The following SYT7 variants were observed in gnomAD, a reference collection of about 807,000 sequenced individuals.
SYT7 encodes the protein synaptotagmin 7.
A neutral mutation model predicts 75.1 loss-of-function variants in SYT7; 29 were observed. The observed-to-expected ratio is 0.39, with a 90% CI of 0.29 to 0.53. SYT7 has a LOEUF of 0.53. Ranked by LOEUF, SYT7 falls within the 20% of genes least tolerant of loss-of-function variation. The probability of loss-of-function intolerance (pLI) is 0.77; values close to 1 mark genes in which losing one functional copy is unlikely to be tolerated. For missense variants in SYT7, 693 were observed against 953.2 expected, an observed-to-expected ratio of 0.73 and a Z score of 3.59; for synonymous variants, 376 against 401.7, an observed-to-expected ratio of 0.94 and a Z score of 0.76.
chr11:61,562,907 G>C (rs1447640551), intron 1 of SYT7, among the ~76,000 whole-genome samples: 1 of 152,184 alleles, frequency 6.6e-6, no homozygotes, highest in Non-Finnish European at 1.5e-5. Flanking sequence ...AGGGCTGCTG[G>C]CTGCTGGGAT....
Position 61,514,541 on chromosome 11 carries a change from T to C in SYT7, c.*4086A>G, listed in dbSNP as rs541939397. Among the ~76,000 whole-genome samples the C allele has an allele frequency of 5.3e-5, 8 of 152,268 alleles. No homozygotes were observed. In the East Asian group the frequency reaches 1.5e-3, roughly 29 times the overall value. ...TTTGTGCCTGTGTCTGAACCAGATG[T>C]AGCACCTTCCTTCTGAAGTACCCTG... On this transcript the variant is annotated 3_prime_UTR_variant, in exon 13 of 13. Coordinates refer to ENST00000539008, the MANE Select transcript of SYT7 (RefSeq NM_001365809.2).
intron 1 of SYT7, among the ~76,000 whole-genome samples, chr11:61,570,922 C>T (rs2063903475): frequency 7.3e-6 from 1 of 137,012 alleles, no homozygotes; most frequent in African/African-American, 3.2e-5. Flanking sequence ...ATAGTGATAA[C>T]TGTGACAGGC....
chr11:61,580,908 G>A lies in SYT7; in HGVS notation c.-88C>T, dbSNP rs2064245900. The A allele has an allele frequency of 6.5e-6, 7 of 1,082,712 alleles. No individual in the cohort carries two copies. The highest frequency in any genetic ancestry group is 1.7e-5 in the African/African-American group (1 of 59,064). The allele number at this position is 1,082,712 out of a possible 1,614,324, so 67.1% of individuals were successfully genotyped here. On this transcript the variant is annotated 5_prime_UTR_variant, in exon 1 of 13. Transcript: ENST00000539008. This position sits in a 1 kb window ranked among gnomAD's most constrained non-coding sequence, Gnocchi z 6.1. Reference sequence around the variant, plus strand: ...GCCGCCGCCGCTGGGCATGGGGCCGGGCGACCCCCGGGGGCGGGTCCGAGG... The same window carrying A: ...GCCGCCGCCGCTGGGCATGGGGCCGAGCGACCCCCGGGGGCGGGTCCGAGG...
rs1030126471 is a variant in SYT7 at position 61,516,699 on chromosome 11, GC to G, written c.*1927del. 1.3e-5 allele frequency: 2 copies of G among 152,222 alleles called. No homozygotes were observed. Among genetic ancestry groups the G allele is most frequent in the Non-Finnish European group, 2.9e-5 (2 of 68,034 alleles). 9.4% of individuals were successfully genotyped at this position (152,222 alleles called of 1,614,324 possible). The stretch of plus-strand genomic sequence containing the variant: ...CGCCAAAGAGGAGGATGCAGTTGGG[GC>G]CGACCCCATTTTAAGCAAAGCTACA... On this transcript the variant is annotated 3_prime_UTR_variant, in exon 13 of 13. Transcript: ENST00000539008. This position sits in a 1 kb window ranked among gnomAD's most constrained non-coding sequence, Gnocchi z 4.6.
chr11:61,547,097 G>A, intron 4 of SYT7, 80 bp downstream of exon 4: 1 of 1,478,376 alleles, frequency 6.8e-7, no homozygotes, highest in Non-Finnish European at 9.0e-7. Flanking sequence ...CGGGTCCAGA[G>A]GTGGGTGGGG....
chr11:61,523,908 A>G lies in SYT7; in HGVS notation c.1675T>C (p.Tyr559His). ...ATGATGGAGTTGGCAGAGGGGTTGT[A>G]GCAGAGAGACAAGAGCAGCTCCCCT... The part of the protein sequence containing the change: ...SRGELLLSLC[Y>H]NPSANSIIVN... The change falls in exon 11 of 13, where the codon TAC (tyrosine) becomes CAC (histidine). Residue 559 changes from tyrosine to histidine, a missense_variant. This residue lies in a region of SYT7 where 206 missense variants were observed against 360.0 expected (regional missense o/e 0.57). Coordinates refer to ENST00000539008, the MANE Select transcript of SYT7 (RefSeq NM_001365809.2). This position sits in a 1 kb window ranked among gnomAD's most constrained non-coding sequence, Gnocchi z 5.0. 6.2e-7 allele frequency: 1 copy of G among 1,614,014 alleles called. No individual in the cohort carries two copies. The highest frequency in any genetic ancestry group is 8.5e-7 in the Non-Finnish European group (1 of 1,179,944).
intron 1 of SYT7, among the ~76,000 whole-genome samples, chr11:61,566,456 T>C (rs909397477): frequency 3.9e-5 from 6 of 152,084 alleles, no homozygotes; most frequent in Non-Finnish European, 8.8e-5. Flanking sequence ...CCATTCAGGA[T>C]GGAAAGGGCC....
intron 8 of SYT7, among the ~76,000 whole-genome samples, chr11:61,530,150 C>T (rs182363481): frequency 2.9e-4 from 44 of 152,312 alleles, no homozygotes; most frequent in African/African-American, 6.3e-4. Context: ...AAGTCACCTG[C>T]GATTGAATGG....
chr11:61,522,195 T>G (rs1266754839), intron 12 of SYT7, among the ~76,000 whole-genome samples: 1 of 150,916 alleles, frequency 6.6e-6, no homozygotes, highest in East Asian at 1.9e-4. Flanking sequence ...CACTTTTTTT[T>G]TTTTTTTTTT....
At chr11:61,587,103 G>A in the SYT7 span, among the ~76,000 whole-genome samples, 1 of 152,116 alleles carries the variant, frequency 6.6e-6, no homozygotes, top group East Asian at 1.9e-4. Flanking sequence ...TCTGTGGTTT[G>A]TTCAAAGCCC....
intron 12 of SYT7, among the ~76,000 whole-genome samples, chr11:61,521,385 T>C (rs1360382082): frequency 1.3e-5 from 2 of 152,106 alleles, no homozygotes; most frequent in Admixed American, 6.5e-5. Flanking sequence ...CAAAAGAACA[T>C]CAAAGGAGAT....
intron 12 of SYT7, among the ~76,000 whole-genome samples, chr11:61,519,242 C>T (rs2062234536): frequency 6.6e-6 from 1 of 152,216 alleles, no homozygotes. Context: ...GACTTACCCA[C>T]AGTCACAGGG....
intron 7 of SYT7, among the ~76,000 whole-genome samples, chr11:61,535,074 G>T (rs971662206): frequency 6.6e-6 from 1 of 152,234 alleles, no homozygotes; most frequent in Non-Finnish European, 1.5e-5. Context: ...CACTGAAGCT[G>T]TCGGAGGTCA....
intron 1 of SYT7, among the ~76,000 whole-genome samples, chr11:61,571,788 C>A (rs1422472808): frequency 6.6e-6 from 1 of 152,154 alleles, no homozygotes; most frequent in South Asian, 2.1e-4. Context: ...TGAGACTAAG[C>A]CCTCCCTTAG....
chr11:61,533,054 G>T lies in SYT7; in HGVS notation c.1135C>A (p.Arg379Ser). ...PGQTPHDESD[R>S]RTEPRSSVSD... is the part of the protein sequence containing the mutation. ...ACGGAGGAACGTGGCTCGGTCCGGC[G>T]GTCGGACTCATCGTGGGGTGTCTGG... is the stretch of plus-strand genomic sequence containing the variant. The change falls in exon 8 of 13, where the codon CGC becomes AGC. Residue 379 changes from arginine to serine, a missense_variant. Transcript: ENST00000539008. 6.2e-7 allele frequency: 1 copy of T among 1,613,374 alleles called. No homozygotes were observed. Among genetic ancestry groups the T allele is most frequent in the Non-Finnish European group, 8.5e-7 (1 of 1,179,980 alleles).
At chr11:61,566,746 T>C (rs1380619926) in intron 1 of SYT7, among the ~76,000 whole-genome samples, 2 of 152,186 alleles carry the variant, frequency 1.3e-5, no homozygotes, top group Non-Finnish European at 2.9e-5. Context: ...GAATAATGCA[T>C]TGTTGTGCCT....
rs373104144 is a variant in SYT7, at chr11:61,532,991, T to C, written c.1198A>G (p.Met400Val). The change falls in exon 8 of 13, where the codon ATG (methionine) becomes GTG (valine). Residue 400 changes from methionine (M) to valine (V), a missense_variant and splice_region_variant. By Grantham distance (21) the Met-to-Val change is conservative. Transcript: ENST00000539008. ...AGCGCAGGCTCCCTCATTCTCACCA[T>C]GAGCATCTCGCTGGTGAGGGAGTTG... ...LVNSLTSEML[M>V]LSPGSEEDEA... is the part of the protein sequence containing the mutation. 79 of 1,610,770 alleles carry C rather than the reference T, an allele frequency of 4.9e-5. No individual in the cohort carries two copies. Among genetic ancestry groups the C allele is most frequent in the Non-Finnish European group, 6.4e-5 (75 of 1,178,060 alleles).
chr11:61,541,416 T>G, intron 6 of SYT7: 2 of 527,468 alleles, frequency 3.8e-6, no homozygotes, highest in Non-Finnish European at 4.8e-6. Context: ...GGGAGGGGGC[T>G]TCCTGGGTGG....
chr11:61,516,769 G>C lies in SYT7; in HGVS notation c.*1858C>G, dbSNP rs2062158039. ...TTACAAGGAACGTGGGTGACTATTT[G>C]CTTTACATTAGCATTCTTCACTCTA... On this transcript the variant is annotated 3_prime_UTR_variant, in exon 13 of 13. Transcript: ENST00000539008. The surrounding 1 kb of genome is among the most constrained non-coding windows in gnomAD (Gnocchi z 4.6). 1 of 153,266 alleles carries C rather than the reference G, an allele frequency of 6.5e-6. No homozygotes were observed. The allele number at this position is 153,266 out of a possible 1,614,324, so 9.5% of individuals were successfully genotyped here. A position where few individuals can be genotyped will look rare whatever the true frequency, so the allele number is the denominator to read the frequency against.
Sources: allele counts gnomAD v4.1 joint callset (sites outside exome capture counted in the v4.1 genomes callset), GRCh38; gene constraint gnomAD v4.1.1; regional missense constraint gnomAD v4.1.1; non-coding constraint Gnocchi (gnomAD v3.1); transcripts MANE v1.5; gene names NCBI Gene and HGNC (gene_info 2026-07-23, HGNC 2026-07-21).